The following DDC variants were observed in gnomAD, a reference collection of about 807,000 sequenced individuals.
DDC encodes the protein dopa decarboxylase.
In DDC, 43 loss-of-function variants were observed where a neutral mutation model predicts 60.0. The ratio of observed to expected loss-of-function variants is 0.72; its 90% CI spans 0.56 to 0.92. The LOEUF is 0.92. Among genes scored for constraint, DDC ranks in the 40% least tolerant of loss-of-function variants. The pLI, the probability that DDC is intolerant of heterozygous loss-of-function variation, is 0.00. For missense variants in DDC, 573 were observed against 620.2 expected (o/e 0.92, Z 0.81); for synonymous variants, 232 against 234.6 (o/e 0.99, Z 0.10).
At chr7:50,500,182 G>A (rs1027975288) in intron 7 of DDC, among the ~76,000 whole-genome samples, 9 of 152,104 alleles carry the variant, frequency 5.9e-5, no homozygotes, top group African/African-American at 2.2e-4. Context: ...GGTACCGTGG[G>A]GTAGGTGTCA....
At chr7:50,470,526 A>C (rs1263239429) in intron 11 of DDC, among the ~76,000 whole-genome samples, 1 of 152,208 alleles carries the variant, frequency 6.6e-6, no homozygotes, top group Non-Finnish European at 1.5e-5. Flanking sequence ...GCCCCCAGTG[A>C]GCTCACCATC....
At chr7:50,541,602 C>A (rs1489993469) in intron 2 of DDC, among the ~76,000 whole-genome samples, 1 of 152,146 alleles carries the variant, frequency 6.6e-6, no homozygotes, top group African/African-American at 2.4e-5. Flanking sequence ...CGTGAGTACA[C>A]ACTGGGAAGA....
In DDC at chr7:50,504,032, A is replaced by C; in HGVS notation, c.742T>G (p.Cys248Gly). 6.2e-7 allele frequency: 1 copy of C among 1,614,006 alleles called. No homozygotes were observed. The highest frequency in any genetic ancestry group is 8.5e-7 in the Non-Finnish European group (1 of 1,179,834). Residue 248 changes from cysteine to glycine, a missense_variant, in exon 7 of 15, where the codon TGC becomes GGC. Cys to Gly is a radical substitution (Grantham distance 159). Coordinates refer to ENST00000444124, the MANE Select transcript of DDC (RefSeq NM_001082971.2). ...TCTAAGAGATTGTCAAAGGAGCAGCATGTTGTGGTCCCCAGGGTGGCAACC... is the reference window on the plus strand; with the variant it reads ...TCTAAGAGATTGTCAAAGGAGCAGCCTGTTGTGGTCCCCAGGGTGGCAACC... ...FMVATLGTTTCCSFDNLLEVG... is the reference protein window; with the variant it reads ...FMVATLGTTTGCSFDNLLEVG...
chr7:50,474,559 C>A (rs527931522), intron 11 of DDC, among the ~76,000 whole-genome samples: 1 of 152,110 alleles, frequency 6.6e-6, no homozygotes, highest in African/African-American at 2.4e-5. Context: ...TCTTGGTGAA[C>A]GGTAGAAACT....
At chr7:50,480,027 C>T (rs562998358) in intron 9 of DDC, 164 bp from the exon 10 acceptor site, 9 of 649,040 alleles carry the variant, frequency 1.4e-5, no homozygotes, top group African/African-American at 5.5e-5. Flanking sequence ...CTGGGGAGGG[C>T]GTCTTAGAAT....
At chr7:50,490,743 G>T (rs7802199) in intron 9 of DDC, among the ~76,000 whole-genome samples, 46 of 152,154 alleles carry the variant, frequency 3.0e-4, no homozygotes, top group East Asian at 5.8e-4. Context: ...TTATGAAAAG[G>T]TTCCAACAAA....
intron 4 of DDC, chr7:50,531,729 T>G (rs941720988): frequency 2.0e-5 from 3 of 152,048 alleles, no homozygotes; most frequent in African/African-American, 7.2e-5. Context: ...CCTGGTGGCC[T>G]CAAGCATGAT....
At chr7:50,515,085 A>T (rs1266879092) in intron 6 of DDC, among the ~76,000 whole-genome samples, 1 of 152,180 alleles carries the variant, frequency 6.6e-6, no homozygotes, top group African/African-American at 2.4e-5. Context: ...ATTCATGGCA[A>T]AAAGATCTTC....
intron 8 of DDC, among the ~76,000 whole-genome samples, chr7:50,498,746 A>G (rs894481800): frequency 1.3e-5 from 2 of 152,254 alleles, no homozygotes; most frequent in Non-Finnish European, 2.9e-5. Flanking sequence ...GTTAAAGTGA[A>G]TATCATGTTC....
At chr7:50,528,014 A>T (rs1488393765) in intron 6 of DDC, 123 bp downstream of exon 6, 12 of 1,156,682 alleles carry the variant, frequency 1.0e-5, no homozygotes, top group Non-Finnish European at 1.4e-5. Flanking sequence ...CTCCTGCCTC[A>T]GCTTCCCGAG....
At chr7:50,496,992 T>C (rs2043140825) in intron 8 of DDC, among the ~76,000 whole-genome samples, 1 of 152,236 alleles carries the variant, frequency 6.6e-6, no homozygotes, top group Non-Finnish European at 1.5e-5. Flanking sequence ...AAGTTTCATT[T>C]GTTGATAAAA....
intron 10 of DDC, among the ~76,000 whole-genome samples, chr7:50,476,905 T>A (rs1458597281): frequency 1.2e-4 from 18 of 152,214 alleles, no homozygotes; most frequent in African/African-American, 4.3e-4. Context: ...CTTTCTGCAG[T>A]TACATAGCAT....
chr7:50,523,155 A>G (rs1485041198), intron 6 of DDC, among the ~76,000 whole-genome samples: 1 of 152,228 alleles, frequency 6.6e-6, no homozygotes, highest in Non-Finnish European at 1.5e-5. Flanking sequence ...CACAAAAATT[A>G]ACTGAAAATA....
At chr7:50,494,705 A>G (rs11575425) in intron 9 of DDC, among the ~76,000 whole-genome samples, 2,907 of 152,032 alleles carry the variant, frequency 0.019, 167 homozygotes, top group Admixed American at 0.12. Context: ...CTTGTCGCCA[A>G]GGCTGGATTG....
chr7:50,498,032 C>G, intron 8 of DDC, among the ~76,000 whole-genome samples: 1 of 152,298 alleles, frequency 6.6e-6, no homozygotes, highest in South Asian at 2.1e-4. Flanking sequence ...TTTTCTAAGA[C>G]GTAGTAGAAA....
At chr7:50,477,210 T>A in intron 10 of DDC, among the ~76,000 whole-genome samples, 1 of 152,170 alleles carries the variant, frequency 6.6e-6, no homozygotes, top group Non-Finnish European at 1.5e-5. Flanking sequence ...AATGGATGAT[T>A]TGCTTTTGAG....
chr7:50,492,600 T>G, intron 9 of DDC: 1 of 888,332 alleles, frequency 1.1e-6, no homozygotes, highest in South Asian at 2.9e-5. Context: ...ACTAACCCCA[T>G]CACCCTTCTC....
chr7:50,511,985 T>TAA (rs2043593376), intron 6 of DDC, among the ~76,000 whole-genome samples: 1 of 152,000 alleles, frequency 6.6e-6, no homozygotes, highest in Non-Finnish European at 1.5e-5. Flanking sequence ...CAAAATCTCA[T>TAA]AAATCACCAC....
intron 10 of DDC, among the ~76,000 whole-genome samples, chr7:50,477,252 G>A (rs976081295): frequency 6.6e-6 from 1 of 152,144 alleles, no homozygotes; most frequent in African/African-American, 2.4e-5. Flanking sequence ...GCAAACCCCA[G>A]GACAATAAAG....
Sources: allele counts gnomAD v4.1 joint callset (sites outside exome capture counted in the v4.1 genomes callset), GRCh38; gene constraint gnomAD v4.1.1; transcripts MANE v1.5; gene names NCBI Gene and HGNC (gene_info 2026-07-23, HGNC 2026-07-21).